PNPLA4: variants seen among roughly 807,000 people sequenced by gnomAD.
PNPLA4 encodes the protein patatin-like phospholipase domain-containing protein 4.
In PNPLA4, 15 loss-of-function variants were observed where a neutral mutation model predicts 18.3. The ratio of observed to expected loss-of-function variants is 0.82; its 90% CI spans 0.55 to 1.26. The LOEUF is 1.26. Among genes scored for constraint, PNPLA4 ranks in the 50% most tolerant of loss-of-function variants. The pLI is 0.00. For missense variants in PNPLA4, 229 were observed against 196.8 expected, an observed-to-expected ratio of 1.16 and a Z score of -0.98; for synonymous variants, 88 against 85.6, an observed-to-expected ratio of 1.03 and a Z score of -0.16.
chrX:7,915,862 G>A (rs763023117), intron 4 of PNPLA4, among the ~76,000 whole-genome samples: 2 of 111,907 alleles, frequency 1.8e-5, no homozygotes, highest in Non-Finnish European at 3.8e-5. Flanking sequence ...CCAAGATAAT[G>A]ACCAATCTTA....
At chrX:7,924,068 G>A (rs1000817799) in intron 2 of PNPLA4, among the ~76,000 whole-genome samples, 3 of 111,311 alleles carry the variant, frequency 2.7e-5, no homozygotes, top group Non-Finnish European at 5.7e-5. Context: ...TCCATAGCCC[G>A]GACCAGACTG....
At chrX:7,908,908 T>C (rs1923789665) in intron 5 of PNPLA4, among the ~76,000 whole-genome samples, 1 of 111,707 alleles carries the variant, frequency 9.0e-6, no homozygotes, top group South Asian at 3.7e-4. Flanking sequence ...GCTGTCACTC[T>C]ATGTCCATGT....
Position 7,921,991 on chromosome X carries a change from G to A in PNPLA4, c.275+13C>T, listed in dbSNP as rs774392115. 1 of 1,184,349 alleles carries A rather than the reference G, an allele frequency of 8.4e-7. No homozygotes were observed. The highest frequency in any genetic ancestry group is 1.1e-6 in the Non-Finnish European group (1 of 871,270). ...GTCTTCATGTACTTTTGGGCAAAAT[G>A]TACTCTGTATACCTTAGTCGGGCCA... On this transcript the variant is annotated intron_variant, in intron 3 of 6. Transcript: ENST00000381042.
Position 7,923,634 on chromosome X carries a change from CT to C in PNPLA4, c.181-1537del, listed in dbSNP as rs1367632247. Among the ~76,000 whole-genome samples, 13 of 111,794 alleles carry C rather than the reference CT, an allele frequency of 1.2e-4. 1 individual carries two copies. Among genetic ancestry groups the C allele is most frequent in the Admixed American group, 9.5e-5 (1 of 10,559 alleles). ...GTTTCCCTCCAATTTGACACCCAGG[CT>C]GGGACTTAAATATAAACAGGAGTTG... On this transcript the variant is annotated intron_variant, in intron 2 of 6. Coordinates refer to ENST00000381042, the MANE Select transcript of PNPLA4 (RefSeq NM_004650.3).
At chrX:7,912,344 C>T (rs974046707) in intron 4 of PNPLA4, among the ~76,000 whole-genome samples, 1 of 112,248 alleles carries the variant, frequency 8.9e-6, no homozygotes, top group African/African-American at 3.2e-5. Flanking sequence ...AGTAGACACA[C>T]AAGTTACTAC....
rs1924460922 is a variant in PNPLA4, at chrX:7,927,319, A to C, written c.-47T>G. On this transcript the variant is annotated 5_prime_UTR_variant, in exon 1 of 7. Transcript: ENST00000381042. ...CCCCGGGACACTTCCGTGTTGAACG[A>C]GTCCCTTTAACCAGATGGCGGGGCC... 1.8e-5 allele frequency: 2 copies of C among 112,985 alleles called. No individual in the cohort carries two copies. Among genetic ancestry groups the C allele is most frequent in the African/African-American group, 6.4e-5 (2 of 31,161 alleles). The allele number at this position is 112,985 out of a possible 1,213,427, so 9.3% of individuals were successfully genotyped here. A position where few individuals can be genotyped will look rare whatever the true frequency, so the allele number is the denominator to read the frequency against.
At chrX:7,926,680 G>A (rs1277489661) in intron 1 of PNPLA4, among the ~76,000 whole-genome samples, 1 of 112,079 alleles carries the variant, frequency 8.9e-6, no homozygotes, top group East Asian at 2.8e-4. Context: ...AACGCAATAA[G>A]CAATCACTCA....
chrX:7,910,412 G>A (rs1923836889), intron 5 of PNPLA4, among the ~76,000 whole-genome samples: 1 of 110,732 alleles, frequency 9.0e-6, no homozygotes, highest in African/African-American at 3.3e-5. Flanking sequence ...CCCTCAAGGT[G>A]AGTGGGTGAA....
intron 4 of PNPLA4, among the ~76,000 whole-genome samples, 162 bp from the exon 5 acceptor site, chrX:7,912,255 A>G (rs1220760373): frequency 8.9e-6 from 1 of 112,437 alleles, no homozygotes; most frequent in Non-Finnish European, 1.9e-5. Flanking sequence ...TTATATCGGA[A>G]AAGACTCTAA....
At chrX:7,919,179 C>A in intron 4 of PNPLA4, among the ~76,000 whole-genome samples, 1 of 112,745 alleles carries the variant, frequency 8.9e-6, no homozygotes, top group African/African-American at 3.2e-5. Flanking sequence ...ACTAGAAAAA[C>A]GTCATGTTTT....
intron 4 of PNPLA4, among the ~76,000 whole-genome samples, chrX:7,918,442 C>A (rs1244856708): frequency 1.8e-5 from 2 of 111,397 alleles, no homozygotes; most frequent in Non-Finnish European, 3.8e-5. Context: ...TGGGGAAAAC[C>A]ATCCCCATAA....
intron 4 of PNPLA4, among the ~76,000 whole-genome samples, chrX:7,913,900 A>C (rs1480265722): frequency 3.6e-5 from 4 of 112,519 alleles, no homozygotes; most frequent in African/African-American, 6.5e-5. Flanking sequence ...CTGTCCCCAG[A>C]ATCAATTTAA....
rs1923460611 is a variant in PNPLA4, at chrX:7,899,671, GA to G, written c.*1014del. 9.5e-6 allele frequency: 1 copy of G among 104,739 alleles called. No homozygotes were observed. The highest frequency in any genetic ancestry group is 2.0e-5 in the Non-Finnish European group (1 of 50,731). The allele number at this position is 104,739 out of a possible 1,213,427, so 8.6% of individuals were successfully genotyped here. A position where few individuals can be genotyped will look rare whatever the true frequency, so the allele number is the denominator to read the frequency against. On this transcript the variant is annotated 3_prime_UTR_variant, in exon 7 of 7. Coordinates refer to ENST00000381042, the MANE Select transcript of PNPLA4 (RefSeq NM_004650.3). The stretch of plus-strand genomic sequence containing the variant: ...AGAGAGAGAGAGAGAGAGAGAGAGA[GA>G]GAGAGAGAATGAATGACAACCAGCT...
chrX:7,907,405 C>A (rs16984812), intron 5 of PNPLA4, among the ~76,000 whole-genome samples: 8,980 of 112,047 alleles, frequency 0.08, 900 homozygotes, highest in African/African-American at 0.28. Context: ...AATGCTAATT[C>A]TATCTCTTAA....
intron 4 of PNPLA4, among the ~76,000 whole-genome samples, chrX:7,917,349 G>A (rs1398046421): frequency 8.9e-6 from 1 of 112,230 alleles, no homozygotes; most frequent in Middle Eastern, 4.2e-3. Flanking sequence ...ACCATTTCCT[G>A]AAGTATTACA....
At chrX:7,925,714 A>G (rs1218446187) in intron 2 of PNPLA4, among the ~76,000 whole-genome samples, 1 of 112,364 alleles carries the variant, frequency 8.9e-6, no homozygotes, top group African/African-American at 3.2e-5. Flanking sequence ...CAAGAGTAAT[A>G]TAAGTCATTT....
intron 4 of PNPLA4, among the ~76,000 whole-genome samples, chrX:7,912,857 T>C (rs1214218306): frequency 8.9e-6 from 1 of 112,323 alleles, no homozygotes; most frequent in Non-Finnish European, 1.9e-5. Flanking sequence ...CTCTGGCTGT[T>C]TGTTGTCAAA....
chrX:7,907,894 GT>G (rs1240280762), intron 5 of PNPLA4, among the ~76,000 whole-genome samples: 25 of 21,750 alleles, frequency 1.1e-3, no homozygotes, highest in African/African-American at 3.0e-3. Flanking sequence ...GCTAATTTTT[GT>G]TTTTTTTTTT....
intron 4 of PNPLA4, among the ~76,000 whole-genome samples, chrX:7,914,068 A>G (rs1272881213): frequency 3.6e-5 from 4 of 112,378 alleles, no homozygotes; most frequent in Non-Finnish European, 7.5e-5. Flanking sequence ...TTCCCAAAGG[A>G]AAGCATGCAC....
Sources: allele counts gnomAD v4.1 joint callset (sites outside exome capture counted in the v4.1 genomes callset), GRCh38; gene constraint gnomAD v4.1.1; transcripts MANE v1.5; gene names NCBI Gene and HGNC (gene_info 2026-07-23, HGNC 2026-07-21).